HEATR3: variants seen among roughly 807,000 people sequenced by gnomAD.
HEATR3 encodes the protein HEAT repeat-containing protein 3.
Under a neutral mutation model 72.8 loss-of-function variants are expected in HEATR3, and 56 were observed. That is an observed-to-expected ratio of 0.77 (90% CI 0.62 to 0.96). HEATR3 has a LOEUF of 0.96. Among genes scored for constraint, HEATR3 ranks in the 40% least tolerant of loss-of-function variants. HEATR3 has a pLI of 0.00. For missense variants in HEATR3, 747 were observed against 831.4 expected (o/e 0.90, Z 1.25); for synonymous variants, 331 against 318.1 (o/e 1.04, Z -0.43).
chr16:50,084,063 G>A, intron 8 of HEATR3, 36 bp downstream of exon 8: 1 of 1,612,182 alleles, frequency 6.2e-7, no homozygotes, highest in Non-Finnish European at 8.5e-7. Context: ...TTTTCCCCCT[G>A]AGCCAAGAGG....
chr16:50,072,683 T>C lies in HEATR3; in HGVS notation c.591T>C (p.Phe197=), dbSNP rs2287197. The change falls in exon 5 of 15, where the codon TTT becomes TTC. Residue 197 remains phenylalanine, a synonymous_variant. Transcript: ENST00000299192. ...TTGTGTTAAAGTATTTAAGTAGGTT[T>C]CCTACCAATGTTGACCTGGCTATTT... The part of the protein sequence containing the change: ...LEIVLKYLSR[F]PTNVDLAISV... 0.69 allele frequency: 1,108,740 copies of C among 1,597,430 alleles called. 390,378 individuals are homozygous for C. The highest frequency in any genetic ancestry group is 0.73 in the Admixed American group (43,520 of 59,962).
At chr16:50,075,237 A>C (rs1329513781) in intron 5 of HEATR3, among the ~76,000 whole-genome samples, 1 of 151,434 alleles carries the variant, frequency 6.6e-6, no homozygotes, top group East Asian at 2.0e-4. Context: ...GAATCGTTTG[A>C]ACCTGGGAGG....
chr16:50,104,888 A>G, intron 14 of HEATR3, 51 bp from the exon 15 acceptor site: 1 of 1,469,464 alleles, frequency 6.8e-7, no homozygotes, highest in Non-Finnish European at 9.2e-7. Context: ...TATTTAAATG[A>G]ATTAATCATA....
Position 50,070,243 on chromosome 16 carries a change from T to C in HEATR3, c.465T>C (p.Ser155=). The change falls in exon 4 of 15, where the codon TCT becomes TCC. Residue 155 remains serine (S), a synonymous_variant. Transcript: ENST00000299192. ...LQEKKDQNRN[S]IENIANETVN... is the part of the protein sequence containing the mutation. ...AGAAAAAAGATCAGAACAGAAATTC[T>C]ATTGAGAACATAGCCAATGAGACTG... The C allele has an allele frequency of 6.2e-7, 1 of 1,610,388 alleles. No individual in the cohort carries two copies. Among genetic ancestry groups the C allele is most frequent in the Non-Finnish European group, 8.5e-7 (1 of 1,177,426 alleles).
At chr16:50,097,253 TG>T (rs2037260199) in intron 12 of HEATR3, among the ~76,000 whole-genome samples, 1 of 151,858 alleles carries the variant, frequency 6.6e-6, no homozygotes, top group South Asian at 2.1e-4. Flanking sequence ...TGATTGTGGT[TG>T]CCTGGCTCCA....
chr16:50,066,549 G>C lies in HEATR3; in HGVS notation c.311+10G>C. 1 of 1,302,846 alleles carries C rather than the reference G, an allele frequency of 7.7e-7. No homozygotes were observed. 80.7% of individuals were successfully genotyped at this position (1,302,846 alleles called of 1,614,324 possible). A position where few individuals can be genotyped will look rare whatever the true frequency, so the allele number is the denominator to read the frequency against. On this transcript the variant is annotated intron_variant, in intron 2 of 14. Coordinates refer to ENST00000299192, the MANE Select transcript of HEATR3 (RefSeq NM_182922.4). Reference sequence around the variant, plus strand: ...CAGCCGGCGCGCTGAGGTGAGCCAGGAAGGGTGCGGGGCGGTGCCCACCGC... The same window carrying C: ...CAGCCGGCGCGCTGAGGTGAGCCAGCAAGGGTGCGGGGCGGTGCCCACCGC...
At position 50,075,715 on chromosome 16, in the gene HEATR3, A is replaced by T; in HGVS notation, c.763+4A>T. On this transcript the variant is annotated splice_donor_region_variant and intron_variant, in intron 6 of 14. Coordinates refer to ENST00000299192, the MANE Select transcript of HEATR3 (RefSeq NM_182922.4). ...CTATTGAAGACATTGGTAGCAGGTA[A>T]AATTTAGCCTTACGGCATAGTATAT... 1.2e-6 allele frequency: 2 copies of T among 1,611,220 alleles called. No individual in the cohort carries two copies. Among genetic ancestry groups the T allele is most frequent in the Non-Finnish European group, 1.7e-6 (2 of 1,178,102 alleles).
intron 13 of HEATR3, among the ~76,000 whole-genome samples, chr16:50,101,275 CTGG>C: frequency 1.3e-5 from 2 of 152,002 alleles, no homozygotes; most frequent in South Asian, 4.2e-4. Context: ...ACTACCACAC[CTGG>C]CTAATTTTTG....
At chr16:50,071,106 G>A (rs2036601055) in intron 4 of HEATR3, among the ~76,000 whole-genome samples, 1 of 152,190 alleles carries the variant, frequency 6.6e-6, no homozygotes, top group African/African-American at 2.4e-5. Flanking sequence ...TGTGATTGTA[G>A]CAGTGGTGAG....
intron 12 of HEATR3, among the ~76,000 whole-genome samples, chr16:50,097,012 T>C (rs1291020341): frequency 2.0e-5 from 3 of 152,214 alleles, no homozygotes; most frequent in African/African-American, 7.2e-5. Context: ...TCCCCCATGT[T>C]TCCTGTGAGC....
chr16:50,070,490 G>T (rs373542789), intron 4 of HEATR3, among the ~76,000 whole-genome samples, 200 bp downstream of exon 4: 1 of 151,976 alleles, frequency 6.6e-6, no homozygotes, highest in African/African-American at 2.4e-5. Context: ...ACTTGAGGTC[G>T]GGAGTTTGAG....
chr16:50,105,705 C>G lies in HEATR3; in HGVS notation c.*644C>G, dbSNP rs1474525449. ...TAGCTGGAATTACAGGCACCCACCA[C>G]CACACCTTGTTTTTGTTTTTGGTTT... is the stretch of plus-strand genomic sequence containing the variant. On this transcript the variant is annotated 3_prime_UTR_variant, in exon 15 of 15. Transcript: ENST00000299192. The G allele has an allele frequency of 6.6e-6, 1 of 151,828 alleles. No individual in the cohort carries two copies. The highest frequency in any genetic ancestry group is 2.4e-5 in the African/African-American group (1 of 41,342). 9.4% of individuals were successfully genotyped at this position (151,828 alleles called of 1,614,324 possible).
chr16:50,097,886 T>C (rs1308906884), intron 12 of HEATR3, among the ~76,000 whole-genome samples: 3 of 143,150 alleles, frequency 2.1e-5, no homozygotes, highest in African/African-American at 7.9e-5. Flanking sequence ...CACTCCAGCC[T>C]GGGTGACAAG....
intron 5 of HEATR3, chr16:50,073,007 C>T: frequency 1.0e-5 from 3 of 298,228 alleles, no homozygotes; most frequent in Non-Finnish European, 6.2e-6. Context: ...TTGAAGTTTT[C>T]ATCTCCATTT....
intron 11 of HEATR3, among the ~76,000 whole-genome samples, chr16:50,089,756 C>T (rs901108796): frequency 1.3e-5 from 2 of 151,848 alleles, no homozygotes; most frequent in African/African-American, 2.4e-5. Flanking sequence ...GCAATTTCTG[C>T]CCCCCAAGTT....
At chr16:50,088,502 C>T (rs1215734380) in intron 11 of HEATR3, among the ~76,000 whole-genome samples, 6 of 152,192 alleles carry the variant, frequency 3.9e-5, no homozygotes, top group African/African-American at 1.4e-4. Flanking sequence ...GTCCCATTCC[C>T]ATTCCAGGGC....
At chr16:50,083,791 C>T in intron 7 of HEATR3, 146 bp from the exon 8 acceptor site, 1 of 645,624 alleles carries the variant, frequency 1.5e-6, no homozygotes, top group Non-Finnish European at 2.7e-6. Context: ...TCTGGCACTT[C>T]ATGACTTTTC....
intron 12 of HEATR3, among the ~76,000 whole-genome samples, chr16:50,099,168 T>C (rs1383442643): frequency 1.3e-5 from 2 of 152,182 alleles, no homozygotes; most frequent in Admixed American, 6.5e-5. Flanking sequence ...ATGGGATGCA[T>C]AGCCTGCCAT....
chr16:50,097,314 CTTT>C (rs10609618), intron 12 of HEATR3, among the ~76,000 whole-genome samples: 84,588 of 135,552 alleles, frequency 0.62, 27,401 homozygotes, highest in Non-Finnish European at 0.72. Context: ...TTTGTCTTTT[CTTT>C]TTTTTTTTTT....
Sources: gnomAD v4.1 joint callset for allele counts (sites outside exome capture counted in the v4.1 genomes callset) on GRCh38, gnomAD v4.1.1 for gene constraint, MANE v1.5 for transcripts, NCBI Gene and HGNC (gene_info 2026-07-23, HGNC 2026-07-21) for gene names.